The following F13A1 variants were observed in gnomAD, a reference collection of about 807,000 sequenced individuals.
F13A1 encodes coagulation factor XIII A chain, also known as FSF, A subunit.
F13A1 carries 47 observed loss-of-function variants against 80.1 expected under a neutral mutation model. The ratio of observed to expected loss-of-function variants is 0.59; its 90% CI spans 0.46 to 0.75. The LOEUF is 0.75. Among genes scored for constraint, F13A1 ranks in the 30% least tolerant of loss-of-function variants. The probability of loss-of-function intolerance (pLI) is 0.00; values close to 1 mark genes in which losing one functional copy is unlikely to be tolerated. For synonymous variants in F13A1, 349 were observed against 344.9 expected, an observed-to-expected ratio of 1.01 and a Z score of -0.13; for missense variants, 817 against 930.4, an observed-to-expected ratio of 0.88 and a Z score of 1.59.
At chr6:6,147,870 T>C (rs1006594166) in intron 14 of F13A1, among the ~76,000 whole-genome samples, 1 of 152,214 alleles carries the variant, frequency 6.6e-6, no homozygotes, top group Admixed American at 6.5e-5. Flanking sequence ...AGTGGAGCAA[T>C]GTTGGAGTAA....
intron 12 of F13A1, among the ~76,000 whole-genome samples, chr6:6,170,680 G>A (rs1387904062): frequency 6.6e-6 from 1 of 152,104 alleles, no homozygotes; most frequent in Non-Finnish European, 1.5e-5. Flanking sequence ...AGAGGTTTAA[G>A]TTATTCAGAT....
At chr6:6,296,664 T>G (rs1758333130) in intron 3 of F13A1, among the ~76,000 whole-genome samples, 1 of 148,420 alleles carries the variant, frequency 6.7e-6, no homozygotes, top group Non-Finnish European at 1.5e-5. Flanking sequence ...AATGGGGTTT[T>G]CTAGATATAC....
chr6:6,239,512 A>G (rs1487325838), intron 6 of F13A1, among the ~76,000 whole-genome samples: 15 of 152,200 alleles, frequency 9.9e-5, no homozygotes, highest in African/African-American at 3.4e-4. Context: ...AGTATGAAGC[A>G]TATAACTACC....
chr6:6,197,707 T>TGCATATGCTATCTACAGATTATTA, intron 8 of F13A1, among the ~76,000 whole-genome samples: 1 of 151,120 alleles, frequency 6.6e-6, no homozygotes, highest in Non-Finnish European at 1.5e-5. Flanking sequence ...CCAAATCCTG[T>TGCATATGCTATCTACAGATTATTA]GCATATGCTA....
At position 6,280,302 on chromosome 6, in the gene F13A1, T is replaced by C. The variant is rs549159292; in HGVS notation, c.320-13493A>G. Among the ~76,000 whole-genome samples the C allele has an allele frequency of 2.4e-4, 37 of 152,342 alleles. No individual in the cohort carries two copies. In the East Asian group the frequency reaches 6.7e-3, roughly 28 times the overall value. ...TAATTAAATACGCAAGTTTAGACTG[T>C]AATTTAATTCATAATACTAATGCCA... On this transcript the variant is annotated intron_variant, in intron 3 of 14. Coordinates refer to ENST00000264870, the MANE Select transcript of F13A1 (RefSeq NM_000129.4).
intron 13 of F13A1, among the ~76,000 whole-genome samples, chr6:6,166,277 A>G (rs1294132743): frequency 6.6e-6 from 1 of 152,230 alleles, no homozygotes; most frequent in Non-Finnish European, 1.5e-5. Flanking sequence ...CTTTAAGAAC[A>G]GCGTCTGGAG....
rs573073694 is a variant in F13A1 at position 6,212,899 on chromosome 6, C to T, written c.1112+9134G>A. Among the ~76,000 whole-genome samples, 115 of 151,992 alleles carry T rather than the reference C, an allele frequency of 7.6e-4. 4 individuals are homozygous for T. In the South Asian group the frequency reaches 0.021, roughly 28 times the overall value. On this transcript the variant is annotated intron_variant, in intron 8 of 14. Coordinates refer to ENST00000264870, the MANE Select transcript of F13A1 (RefSeq NM_000129.4). ...TGAAGAATGCAGAAGCCTCAGGAGCCGATGCGATCAACTGGAAGAAAGGGT... is the reference window on the plus strand; with the variant it reads ...TGAAGAATGCAGAAGCCTCAGGAGCTGATGCGATCAACTGGAAGAAAGGGT...
intron 3 of F13A1, among the ~76,000 whole-genome samples, chr6:6,300,438 C>T (rs557949957): frequency 6.6e-6 from 1 of 152,044 alleles, no homozygotes; most frequent in Non-Finnish European, 1.5e-5. Flanking sequence ...GGGATATAAT[C>T]TCCTGATGCG....
intron 3 of F13A1, among the ~76,000 whole-genome samples, chr6:6,280,647 C>A (rs899433497): frequency 6.6e-6 from 1 of 152,098 alleles, no homozygotes; most frequent in Non-Finnish European, 1.5e-5. Flanking sequence ...TGTAAAGAAA[C>A]CGTATTGAGG....
rs187174873 is a variant in F13A1, at chr6:6,206,459, G to A, written c.1113-9133C>T. 2.8e-3 allele frequency: 1,315 copies of A among 467,800 alleles called. 10 individuals carry two copies. The highest frequency in any genetic ancestry group is 0.014 in the Middle Eastern group (42 of 3,052). The allele number at this position is 467,800 out of a possible 1,614,324, so 29.0% of individuals were successfully genotyped here. On this transcript the variant is annotated intron_variant, in intron 8 of 14. Coordinates refer to ENST00000264870, the MANE Select transcript of F13A1 (RefSeq NM_000129.4). ...TGATTCCCACTTTTTTTCCCTTTCTGCCTAATTTCCCAAGAAGTTATTACA... is the reference window on the plus strand; with the variant it reads ...TGATTCCCACTTTTTTTCCCTTTCTACCTAATTTCCCAAGAAGTTATTACA...
In F13A1 at chr6:6,145,723, A is replaced by C. The variant is rs1315490476; in HGVS notation, c.2095T>G (p.Trp699Gly). 3 of 1,614,128 alleles carry C rather than the reference A, an allele frequency of 1.9e-6. 1 individual carries two copies. The South Asian group carries it at 3.3e-5, about 18-fold the overall frequency. ...TVQWEEVCRP[W>G]VSGHRKLIAS... ...ATCAGCTTCCGATGCCCAGAGACCC[A>C]GGGCCGGCACACTTCTTCCCACTGC... The change falls in exon 15 of 15, where the codon TGG (tryptophan) becomes GGG (glycine). Residue 699 changes from tryptophan to glycine, a missense_variant. By Grantham distance (184) the Trp-to-Gly change is radical. Transcript: ENST00000264870.
In F13A1 at chr6:6,250,115, C is replaced by T. The variant is rs897162649; in HGVS notation, c.690+696G>A. On this transcript the variant is annotated intron_variant, in intron 5 of 14. Coordinates refer to ENST00000264870, the MANE Select transcript of F13A1 (RefSeq NM_000129.4). The surrounding 1 kb of genome is among the most constrained non-coding windows in gnomAD (Gnocchi z 4.2). The stretch of plus-strand genomic sequence containing the variant: ...AGTTCCAGCCATCCCAGCCAAAACT[C>T]CTGAGAAATGACATTCGCCCCCGCT... Among the ~76,000 whole-genome samples, 2 of 152,172 alleles carry T rather than the reference C, an allele frequency of 1.3e-5. No homozygotes were observed. Among genetic ancestry groups the T allele is most frequent in the African/African-American group, 4.8e-5 (2 of 41,440 alleles).
intron 14 of F13A1, among the ~76,000 whole-genome samples, chr6:6,150,344 A>T (rs965945250): frequency 5.9e-5 from 9 of 152,104 alleles, no homozygotes; most frequent in Non-Finnish European, 1.3e-4. Context: ...GCTGGGGTTG[A>T]TTACTAATTT....
At chr6:6,298,658 G>T (rs924579681) in intron 3 of F13A1, among the ~76,000 whole-genome samples, 1 of 149,440 alleles carries the variant, frequency 6.7e-6, no homozygotes, top group Non-Finnish European at 1.5e-5. Context: ...ATGTGAGATG[G>T]GTTTCCTGAA....
chr6:6,277,268 G>A (rs1275277964), intron 3 of F13A1, among the ~76,000 whole-genome samples: 1 of 54,880 alleles, frequency 1.8e-5, no homozygotes, highest in East Asian at 3.2e-4. Context: ...CCCGGGAGGC[G>A]GAGCTTGCAG....
At chr6:6,200,937 A>G (rs964119678) in intron 8 of F13A1, among the ~76,000 whole-genome samples, 1 of 152,146 alleles carries the variant, frequency 6.6e-6, no homozygotes, top group Non-Finnish European at 1.5e-5. Flanking sequence ...ATGTTAGACA[A>G]TGACTCTGCT....
At chr6:6,217,617 A>T (rs1757120406) in intron 8 of F13A1, among the ~76,000 whole-genome samples, 1 of 152,134 alleles carries the variant, frequency 6.6e-6, no homozygotes, top group Admixed American at 6.5e-5. Flanking sequence ...AGCATGGCAC[A>T]TGTATACATA....
At chr6:6,266,423 C>G (rs1361923122) in intron 4 of F13A1, 135 bp downstream of exon 4, 1 of 1,320,400 alleles carries the variant, frequency 7.6e-7, no homozygotes, top group Admixed American at 1.7e-5. Context: ...TTTTTAGAGA[C>G]TAGGTCTCAA....
At chr6:6,287,158 C>T (rs934954455) in intron 3 of F13A1, among the ~76,000 whole-genome samples, 7 of 152,188 alleles carry the variant, frequency 4.6e-5, no homozygotes, top group Non-Finnish European at 1.0e-4. Flanking sequence ...CACTTGCATG[C>T]TCTCTTTTTA....
Sources: gnomAD v4.1 joint callset for allele counts (sites outside exome capture counted in the v4.1 genomes callset) on GRCh38, gnomAD v4.1.1 for gene constraint, Gnocchi (gnomAD v3.1) non-coding constraint, MANE v1.5 for transcripts, NCBI Gene and HGNC (gene_info 2026-07-23, HGNC 2026-07-21) for gene names.